Variants in WWOX observed in about 807,000 individuals in gnomAD.
WWOX encodes the protein WW domain containing oxidoreductase.
Under a neutral mutation model 46.2 loss-of-function variants are expected in WWOX, and 69 were observed. The ratio of observed to expected loss-of-function variants is 1.49; its 90% confidence interval spans 1.23 to 1.82. The LOEUF (loss-of-function observed/expected upper bound fraction) is 1.82, where lower values mean the gene tolerates loss of function less well. WWOX is among the 40% of genes most tolerant of loss of function. The pLI is 0.00. For missense variants in WWOX, 919 were observed against 542.6 expected, an observed-to-expected ratio of 1.69 and a Z score of -6.89; for synonymous variants, 359 against 202.6, an observed-to-expected ratio of 1.77 and a Z score of -6.56.
chr16:79,211,502 C>T (rs1232698030), intron 8 of WWOX, 106 bp from the exon 9 acceptor site: 2 of 1,452,050 alleles, frequency 1.4e-6, no homozygotes, highest in African/African-American at 2.8e-5. Flanking sequence ...CCAGCTGAAA[C>T]TGAACCAGGT....
intron 8 of WWOX, among the ~76,000 whole-genome samples, chr16:78,574,065 G>C (rs1597289408): frequency 6.6e-6 from 1 of 152,148 alleles, no homozygotes; most frequent in Non-Finnish European, 1.5e-5. Context: ...GTAGCTTTTT[G>C]ACTCGGCCTG....
intron 8 of WWOX, among the ~76,000 whole-genome samples, chr16:78,577,744 C>G (rs946294836): frequency 1.3e-5 from 2 of 152,168 alleles, no homozygotes; most frequent in East Asian, 3.9e-4. Flanking sequence ...CCACATCTTC[C>G]TAGCAGTCTT....
chr16:78,800,182 G>T (rs1036743909), intron 8 of WWOX, among the ~76,000 whole-genome samples: 2 of 151,558 alleles, frequency 1.3e-5, no homozygotes, highest in African/African-American at 4.8e-5. Flanking sequence ...TTAAAACTGA[G>T]AAGGAGAAAA....
intron 8 of WWOX, among the ~76,000 whole-genome samples, chr16:78,680,372 A>G (rs1039022980): frequency 6.6e-6 from 1 of 151,904 alleles, no homozygotes; most frequent in Non-Finnish European, 1.5e-5. Context: ...AAAAAGACCT[A>G]TCTCTACAAA....
At chr16:78,798,152 G>A (rs1031135222) in intron 8 of WWOX, among the ~76,000 whole-genome samples, 6 of 152,158 alleles carry the variant, frequency 3.9e-5, no homozygotes, top group African/African-American at 1.4e-4. Context: ...GGACCAGAGC[G>A]CAGAGGTCAT....
intron 8 of WWOX, among the ~76,000 whole-genome samples, chr16:78,706,843 C>G (rs2048337953): frequency 6.6e-6 from 1 of 152,090 alleles, no homozygotes; most frequent in Non-Finnish European, 1.5e-5. Context: ...ATCACCCAGT[C>G]TGGAGTGTAA....
chr16:78,912,882 A>G (rs893012755), intron 8 of WWOX, among the ~76,000 whole-genome samples: 3 of 151,972 alleles, frequency 2.0e-5, no homozygotes, highest in Non-Finnish European at 2.9e-5. Context: ...TTAAAACACC[A>G]TCAGCTTGGA....
At chr16:78,619,213 A>G (rs868091778) in intron 8 of WWOX, among the ~76,000 whole-genome samples, 1 of 74,950 alleles carries the variant, frequency 1.3e-5, no homozygotes. Context: ...ATATATATAT[A>G]TGTAGCCATG....
At chr16:78,444,202 G>T (rs1021492404) in intron 8 of WWOX, among the ~76,000 whole-genome samples, 2 of 152,006 alleles carry the variant, frequency 1.3e-5, no homozygotes, top group Admixed American at 1.3e-4. Context: ...TGTGGTCATG[G>T]GTTTCCTTCT....
At chr16:78,115,219 A>G (rs532345445) in intron 4 of WWOX, 65 bp downstream of exon 4, 12 of 1,595,802 alleles carry the variant, frequency 7.5e-6, no homozygotes, top group African/African-American at 4.0e-5. Flanking sequence ...AGATCTAGCT[A>G]TAATGGAATT....
rs562881507 is a variant in WWOX at position 78,262,548 on chromosome 16, C to T, written c.516+98259C>T. Among the ~76,000 whole-genome samples the T allele has an allele frequency of 1.4e-3, 206 of 152,298 alleles. 2 individuals are homozygous for T. Among genetic ancestry groups the T allele is most frequent in the African/African-American group, 4.8e-3 (199 of 41,564 alleles). Reference sequence around the variant, plus strand: ...AGCCATTCAGTTGACTTCCTGTGGACACCAGAGATGACAGGCCCCTGTCCC... The same window carrying T: ...AGCCATTCAGTTGACTTCCTGTGGATACCAGAGATGACAGGCCCCTGTCCC... On this transcript the variant is annotated intron_variant, in intron 5 of 8. Transcript: ENST00000566780.
intron 8 of WWOX, among the ~76,000 whole-genome samples, chr16:79,088,781 A>T (rs2048899742): frequency 1.3e-5 from 2 of 152,146 alleles, no homozygotes; most frequent in African/African-American, 4.8e-5. Flanking sequence ...CTTTAGATAT[A>T]CTGCAGATAT....
chr16:78,965,685 G>A lies in WWOX; in HGVS notation c.1057-245923G>A, dbSNP rs552796208. Among the ~76,000 whole-genome samples, 33 of 152,096 alleles carry A rather than the reference G, an allele frequency of 2.2e-4. No homozygotes were observed. The South Asian group carries it at 4.4e-3, about 20-fold the overall frequency. ...CTATGTTACTCAACCCAGTTCTGTCGTCGTCATTTTTTTGTGTTGGCTTTG... is the reference window on the plus strand; with the variant it reads ...CTATGTTACTCAACCCAGTTCTGTCATCGTCATTTTTTTGTGTTGGCTTTG... On this transcript the variant is annotated intron_variant, in intron 8 of 8. Transcript: ENST00000566780.
intron 8 of WWOX, among the ~76,000 whole-genome samples, chr16:79,002,936 A>G: frequency 6.6e-6 from 1 of 152,222 alleles, no homozygotes; most frequent in East Asian, 1.9e-4. Flanking sequence ...TAGAGCTCAA[A>G]AATCTATGCT....
intron 5 of WWOX, among the ~76,000 whole-genome samples, chr16:78,194,587 C>CAAAAAAA (rs368008924): frequency 2.0e-5 from 2 of 98,544 alleles, no homozygotes; most frequent in Admixed American, 2.3e-4. Context: ...GACTCCATCT[C>CAAAAAAA]AAAAAAAAAA....
chr16:78,897,142 C>T (rs151088727), intron 8 of WWOX: 1 of 141,532 alleles, frequency 7.1e-6, no homozygotes, highest in African/African-American at 2.6e-5. Flanking sequence ...CGTAGCTACT[C>T]TGGTGGCTGA....
intron 8 of WWOX, among the ~76,000 whole-genome samples, chr16:78,758,975 C>G (rs1567540986): frequency 6.6e-6 from 1 of 151,374 alleles, no homozygotes; most frequent in Non-Finnish European, 1.5e-5. Flanking sequence ...CAGACAAAAC[C>G]CAGGGCATAT....
intron 8 of WWOX, among the ~76,000 whole-genome samples, chr16:78,609,874 T>C (rs2045857272): frequency 2.0e-5 from 3 of 152,210 alleles, no homozygotes; most frequent in Admixed American, 2.0e-4. Context: ...TTCAACCTTT[T>C]CTTGCTTTAG....
At chr16:79,033,446 CTT>C (rs1406297159) in intron 8 of WWOX, among the ~76,000 whole-genome samples, 2 of 151,692 alleles carry the variant, frequency 1.3e-5, no homozygotes, top group Non-Finnish European at 2.9e-5. Flanking sequence ...ACCACATTTT[CTT>C]TATCCAGAAT....
Sources: gnomAD v4.1 joint callset for allele counts (sites outside exome capture counted in the v4.1 genomes callset) on GRCh38, gnomAD v4.1.1 for gene constraint, MANE v1.5 for transcripts, NCBI Gene and HGNC (gene_info 2026-07-23, HGNC 2026-07-21) for gene names.